CPQ: variants seen among roughly 807,000 people sequenced by gnomAD.
The protein encoded by CPQ is carboxypeptidase Q, also known as Ser-Met dipeptidase.
A neutral mutation model predicts 45.7 loss-of-function variants in CPQ; 37 were observed. The ratio of observed to expected loss-of-function variants is 0.81; its 90% confidence interval spans 0.62 to 1.07. The LOEUF is 1.07. CPQ is among the 50% of genes least tolerant of loss of function. CPQ has a pLI of 0.00. For synonymous variants in CPQ, 186 were observed against 205.8 expected, an observed-to-expected ratio of 0.90 and a Z score of 0.82; for missense variants, 537 against 572.9, an observed-to-expected ratio of 0.94 and a Z score of 0.64.
At chr8:96,959,081 G>A (rs1813407614) in intron 4 of CPQ, among the ~76,000 whole-genome samples, 1 of 152,114 alleles carries the variant, frequency 6.6e-6, no homozygotes, top group South Asian at 2.1e-4. Flanking sequence ...AGTCCCTTTT[G>A]TCTGTGCTGG....
At chr8:96,957,897 G>A (rs1049434995) in intron 4 of CPQ, among the ~76,000 whole-genome samples, 1 of 150,496 alleles carries the variant, frequency 6.6e-6, no homozygotes, top group African/African-American at 2.5e-5. Context: ...GTAGTGGTGT[G>A]TTCATGGCTC....
At chr8:97,065,966 T>C (rs1393748093) in intron 6 of CPQ, 43 bp from the exon 7 acceptor site, 1 of 1,587,852 alleles carries the variant, frequency 6.3e-7, no homozygotes, top group East Asian at 2.2e-5. Flanking sequence ...GAGAAAGCAC[T>C]GAAGCAACAG....
chr8:96,653,332 A>AT (rs1305643848), intron 1 of CPQ, among the ~76,000 whole-genome samples: 1 of 152,152 alleles, frequency 6.6e-6, no homozygotes, highest in East Asian at 1.9e-4. Flanking sequence ...GATGTTGAGC[A>AT]TTTTTTAATA....
intron 2 of CPQ, among the ~76,000 whole-genome samples, chr8:96,821,009 T>G (rs1811297282): frequency 6.6e-6 from 1 of 152,058 alleles, no homozygotes; most frequent in Admixed American, 6.6e-5. Flanking sequence ...ATTGTGGTTT[T>G]CATTTGCATT....
At chr8:96,830,345 A>G (rs1039090184) in intron 2 of CPQ, among the ~76,000 whole-genome samples, 1 of 152,100 alleles carries the variant, frequency 6.6e-6, no homozygotes, top group Non-Finnish European at 1.5e-5. Context: ...GGAAGAATCA[A>G]ATCAGGAGAG....
At chr8:97,025,003 T>C (rs1265760672) in intron 5 of CPQ, among the ~76,000 whole-genome samples, 1 of 152,192 alleles carries the variant, frequency 6.6e-6, no homozygotes, top group Non-Finnish European at 1.5e-5. Flanking sequence ...TAAATGGGTG[T>C]TAGGATCAAT....
intron 3 of CPQ, among the ~76,000 whole-genome samples, chr8:96,839,113 T>TA (rs1811571267): frequency 1.3e-5 from 2 of 150,778 alleles, no homozygotes; most frequent in Non-Finnish European, 3.0e-5. Flanking sequence ...ATATATATAT[T>TA]ATGATTTGTT....
At chr8:96,850,736 A>G (rs1306608997) in intron 3 of CPQ, among the ~76,000 whole-genome samples, 3 of 151,852 alleles carry the variant, frequency 2.0e-5, no homozygotes, top group Non-Finnish European at 4.4e-5. Flanking sequence ...CAACCTCCCT[A>G]GTAGCTGGGA....
At chr8:96,654,792 G>A (rs1398692544) in intron 1 of CPQ, among the ~76,000 whole-genome samples, 2 of 152,204 alleles carry the variant, frequency 1.3e-5, no homozygotes, top group African/African-American at 4.8e-5. Flanking sequence ...TTTCCATCAA[G>A]GCTTGGAGGT....
chr8:96,853,563 A>ATT (rs71569187), intron 3 of CPQ, among the ~76,000 whole-genome samples: 2 of 146,002 alleles, frequency 1.4e-5, no homozygotes, highest in Non-Finnish European at 3.0e-5. Context: ...ACTGGGCATG[A>ATT]TTTTTTTTTT....
chr8:96,771,726 T>C (rs190571560), intron 1 of CPQ, among the ~76,000 whole-genome samples: 131 of 152,324 alleles, frequency 8.6e-4, no homozygotes, highest in Middle Eastern at 3.4e-3. Context: ...CTTTGGGTTA[T>C]AAAGAGGGAA....
chr8:96,695,535 T>C (rs1347987528), intron 1 of CPQ, among the ~76,000 whole-genome samples: 1 of 152,186 alleles, frequency 6.6e-6, no homozygotes, highest in African/African-American at 2.4e-5. Flanking sequence ...TTTCGCAACC[T>C]ACTCTTCTGA....
chr8:96,742,133 G>T (rs1490708033), intron 1 of CPQ, among the ~76,000 whole-genome samples: 2 of 148,308 alleles, frequency 1.3e-5, no homozygotes, highest in African/African-American at 5.0e-5. Context: ...GGTCACTCAG[G>T]ACTTGCTTTA....
intron 2 of CPQ, among the ~76,000 whole-genome samples, chr8:96,794,189 C>T (rs892635412): frequency 3.7e-4 from 56 of 152,258 alleles, no homozygotes; most frequent in Non-Finnish European, 2.8e-4. Flanking sequence ...AGAGCAATGC[C>T]CCTACAGCAA....
chr8:96,906,391 G>C (rs1812577867), intron 4 of CPQ, among the ~76,000 whole-genome samples: 1 of 152,160 alleles, frequency 6.6e-6, no homozygotes, highest in African/African-American at 2.4e-5. Flanking sequence ...AAAAGTCTAT[G>C]TCTTGGGCTT....
chr8:96,749,721 G>A (rs932819751), intron 1 of CPQ, among the ~76,000 whole-genome samples: 2 of 152,192 alleles, frequency 1.3e-5, no homozygotes, highest in Non-Finnish European at 1.5e-5. Context: ...TGGCTCGGAT[G>A]TGAGGAAAAA....
chr8:96,780,404 G>A (rs1810671034), intron 1 of CPQ, among the ~76,000 whole-genome samples: 1 of 152,118 alleles, frequency 6.6e-6, no homozygotes, highest in Non-Finnish European at 1.5e-5. Context: ...AAGACCCAGA[G>A]TTATGAAAGA....
chr8:97,058,454 T>C (rs1203160247), intron 6 of CPQ, among the ~76,000 whole-genome samples: 1 of 152,122 alleles, frequency 6.6e-6, no homozygotes, highest in Admixed American at 6.6e-5. Flanking sequence ...AACACATCTT[T>C]ATGTGTTGGT....
At chr8:97,126,562 A>G (rs1811850735) in intron 7 of CPQ, among the ~76,000 whole-genome samples, 1 of 152,228 alleles carries the variant, frequency 6.6e-6, no homozygotes, top group African/African-American at 2.4e-5. Flanking sequence ...AGCAAGAAGT[A>G]AACTTAGCAA....
Sources: allele counts gnomAD v4.1 joint callset (sites outside exome capture counted in the v4.1 genomes callset), GRCh38; gene constraint gnomAD v4.1.1; transcripts MANE v1.5; gene names NCBI Gene and HGNC (gene_info 2026-07-23, HGNC 2026-07-21).